The following FAM91A1 variants were observed in gnomAD, a reference collection of about 807,000 sequenced individuals.
The protein encoded by FAM91A1 is family with sequence similarity 91 member A1, also known as protein FAM91A1.
FAM91A1 carries 41 observed loss-of-function variants against 113.5 expected under a neutral mutation model. That is an observed-to-expected ratio of 0.36 (90% CI 0.28 to 0.47). FAM91A1 has a LOEUF of 0.47. Ranked by LOEUF, FAM91A1 falls within the 20% of genes least tolerant of loss-of-function variation. The probability of loss-of-function intolerance (pLI) is 1.00; values close to 1 mark genes in which losing one functional copy is unlikely to be tolerated. For missense variants in FAM91A1, 696 were observed against 1,001.2 expected, an observed-to-expected ratio of 0.70 and a Z score of 4.11; for synonymous variants, 307 against 347.9, an observed-to-expected ratio of 0.88 and a Z score of 1.31.
At chr8:123,796,606 G>A (rs1359378576) in intron 15 of FAM91A1, among the ~76,000 whole-genome samples, 2 of 151,434 alleles carry the variant, frequency 1.3e-5, no homozygotes, top group Non-Finnish European at 2.9e-5. Context: ...CTATGGGTAC[G>A]TGCTACCATG....
intron 20 of FAM91A1, 50 bp downstream of exon 20, chr8:123,806,279 G>T: frequency 6.4e-7 from 1 of 1,557,192 alleles, no homozygotes. Context: ...TTTTGAGTTT[G>T]ACACAGTGTT....
rs138037817 is a variant in FAM91A1 at position 123,773,728 on chromosome 8, A to G, written c.73-352A>G. ...TGTAGGGGCAGGAAACCATCTATCC[A>G]ACCACTTAATATAGCAGTCAGGAAG... On this transcript the variant is annotated intron_variant, in intron 1 of 23. Transcript: ENST00000334705. Among the ~76,000 whole-genome samples the G allele has an allele frequency of 6.6e-5, 10 of 152,322 alleles. 1 individual carries two copies. In the East Asian group the frequency reaches 1.9e-3, roughly 29 times the overall value.
intron 11 of FAM91A1, chr8:123,786,241 GA>G: frequency 9.7e-6 from 4 of 413,170 alleles, no homozygotes; most frequent in Non-Finnish European, 1.7e-5. Flanking sequence ...GCTTTTCCCA[GA>G]AAAAAAGCAA....
chr8:123,792,760 T>G (rs1422358528), intron 15 of FAM91A1, among the ~76,000 whole-genome samples: 1 of 152,166 alleles, frequency 6.6e-6, no homozygotes, highest in Non-Finnish European at 1.5e-5. Flanking sequence ...CCTTCACTCT[T>G]TTGTGTTTTG....
chr8:123,797,578 T>C (rs1189512287), intron 15 of FAM91A1, among the ~76,000 whole-genome samples: 6 of 152,354 alleles, frequency 3.9e-5, no homozygotes, highest in Admixed American at 3.3e-4. Flanking sequence ...TTCTTCCTTA[T>C]GATTTTTTTT....
intron 1 of FAM91A1, among the ~76,000 whole-genome samples, chr8:123,772,729 C>T (rs1814884872): frequency 6.6e-6 from 1 of 152,156 alleles, no homozygotes; most frequent in South Asian, 2.1e-4. Context: ...TGTTGACTTC[C>T]CCGGAAGTTA....
chr8:123,812,557 T>A lies in FAM91A1; in HGVS notation c.2370T>A (p.Ser790Arg). Residue 790 changes from serine to arginine, a missense_variant, in exon 24 of 24, where the codon AGT (serine) becomes AGA (arginine). Ser to Arg is a moderately radical substitution (Grantham distance 110). Coordinates refer to ENST00000334705, the MANE Select transcript of FAM91A1 (RefSeq NM_144963.4). ...TATTGGATATTCACACAGAGCCCAGTTTTTCAAGTTTGCTTTCACAGTCAT... is the reference window on the plus strand; with the variant it reads ...TATTGGATATTCACACAGAGCCCAGATTTTCAAGTTTGCTTTCACAGTCAT... ...ASILDIHTEPSFSSLLSQSSC... is the reference protein window; with the variant it reads ...ASILDIHTEPRFSSLLSQSSC... The A allele has an allele frequency of 1.3e-6, 2 of 1,594,886 alleles. No individual in the cohort carries two copies. The highest frequency in any genetic ancestry group is 1.7e-6 in the Non-Finnish European group (2 of 1,174,038).
At position 123,787,532 on chromosome 8, in the gene FAM91A1, T is replaced by C. The variant is rs1815288766; in HGVS notation, c.1192-132T>C. The C allele has an allele frequency of 4.1e-6, 4 of 975,510 alleles. No individual in the cohort carries two copies. The Admixed American group carries it at 1.1e-4, about 27-fold the overall frequency. 60.4% of individuals were successfully genotyped at this position (975,510 alleles called of 1,614,324 possible). On this transcript the variant is annotated intron_variant, in intron 13 of 23. Coordinates refer to ENST00000334705, the MANE Select transcript of FAM91A1 (RefSeq NM_144963.4). ...ACTTTCAGGGAAGGTCCTTTTGTAA[T>C]TGGAAGAATTAGCCCCTCACCCCCC... is the stretch of plus-strand genomic sequence containing the variant.
At chr8:123,775,994 ATGTAT>A (rs1814975533) in intron 3 of FAM91A1, among the ~76,000 whole-genome samples, 1 of 152,132 alleles carries the variant, frequency 6.6e-6, no homozygotes, top group African/African-American at 2.4e-5. Flanking sequence ...AAGAAAATTA[ATGTAT>A]TTAACTATTC....
Position 123,779,369 on chromosome 8 carries a change from A to T in FAM91A1, c.549+597A>T, listed in dbSNP as rs547608535. Among the ~76,000 whole-genome samples the T allele has an allele frequency of 6.0e-4, 92 of 152,298 alleles. 1 individual carries two copies. Among genetic ancestry groups the T allele is most frequent in the South Asian group, 4.6e-3 (22 of 4,830 alleles). Reference sequence around the variant, plus strand: ...GATAGTGTCAAGATCAAGAGAGTTGATATTCCCAGTGGTCAGACCACATCT... The same window carrying T: ...GATAGTGTCAAGATCAAGAGAGTTGTTATTCCCAGTGGTCAGACCACATCT... On this transcript the variant is annotated intron_variant, in intron 6 of 23. Coordinates refer to ENST00000334705, the MANE Select transcript of FAM91A1 (RefSeq NM_144963.4).
intron 9 of FAM91A1, 40 bp downstream of exon 9, chr8:123,784,616 T>G: frequency 6.9e-7 from 1 of 1,445,010 alleles, no homozygotes; most frequent in Non-Finnish European, 9.5e-7. Context: ...AATCTCAAGA[T>G]TGTAAGTTTG....
chr8:123,789,619 A>G lies in FAM91A1; in HGVS notation c.1285A>G (p.Ser429Gly). The change falls in exon 15 of 24, where the codon AGC becomes GGC. Residue 429 changes from serine (S) to glycine (G), a missense_variant. Physicochemically the swap from Ser to Gly is moderately conservative, Grantham distance 56 (BLOSUM62 0). Coordinates refer to ENST00000334705, the MANE Select transcript of FAM91A1 (RefSeq NM_144963.4). ...CTATTTTCTCTTGGTTTAGGTTCAG[A>G]GCACTGGTGAAGGAGAAGCACAGAG... is the stretch of plus-strand genomic sequence containing the variant. ...SFLIELEKVQSTGEGEAQRYF... is the reference protein window; with the variant it reads ...SFLIELEKVQGTGEGEAQRYF... 1 of 1,611,746 alleles carries G rather than the reference A, an allele frequency of 6.2e-7. No homozygotes were observed. Among genetic ancestry groups the G allele is most frequent in the Non-Finnish European group, 8.5e-7 (1 of 1,179,662 alleles).
At chr8:123,805,415 T>G (rs566905986) in intron 19 of FAM91A1, 76 bp downstream of exon 19, 1 of 1,159,530 alleles carries the variant, frequency 8.6e-7, no homozygotes, top group East Asian at 2.5e-5. Flanking sequence ...GTGGAAAACA[T>G]GGCAGGAAAT....
intron 19 of FAM91A1, among the ~76,000 whole-genome samples, chr8:123,805,714 C>A (rs1586395009): frequency 6.6e-6 from 1 of 152,160 alleles, no homozygotes; most frequent in East Asian, 1.9e-4. Flanking sequence ...ATAGTGACAA[C>A]AGGATCTTAA....
At chr8:123,792,857 C>T (rs1049250669) in intron 15 of FAM91A1, among the ~76,000 whole-genome samples, 2 of 152,284 alleles carry the variant, frequency 1.3e-5, no homozygotes, top group African/African-American at 4.8e-5. Flanking sequence ...TTCTGTTCAC[C>T]TATGACAAGG....
In FAM91A1 at chr8:123,787,457, A is replaced by G. The variant is rs528218506; in HGVS notation, c.1191+84A>G. On this transcript the variant is annotated intron_variant, in intron 13 of 23. Transcript: ENST00000334705. Reference sequence around the variant, plus strand: ...AATTTAATGCTTTTATATCTTTTTTAAAGTACTACATTTATTCCCGAAGCA... The same window carrying G: ...AATTTAATGCTTTTATATCTTTTTTGAAGTACTACATTTATTCCCGAAGCA... The G allele has an allele frequency of 1.2e-3, 1,394 of 1,142,048 alleles. 7 individuals carry two copies. Among genetic ancestry groups the G allele is most frequent in the Non-Finnish European group, 1.5e-3 (1,222 of 789,886 alleles). The allele number at this position is 1,142,048 out of a possible 1,614,324, so 70.7% of individuals were successfully genotyped here.
chr8:123,800,034 C>A, intron 18 of FAM91A1, 149 bp downstream of exon 18: 1 of 718,360 alleles, frequency 1.4e-6, no homozygotes, highest in Non-Finnish European at 2.2e-6. Context: ...TTAGTCCTGG[C>A]CGTTTGGCAG....
At chr8:123,810,749 A>G (rs1037367780) in intron 23 of FAM91A1, 2 of 201,224 alleles carry the variant, frequency 9.9e-6, no homozygotes, top group Non-Finnish European at 2.0e-5. Flanking sequence ...CCCCATCCCC[A>G]AGGAAAGAAA....
chr8:123,779,839 T>G, intron 6 of FAM91A1, 146 bp from the exon 7 acceptor site: 1 of 616,890 alleles, frequency 1.6e-6, no homozygotes, highest in South Asian at 2.9e-5. Context: ...TGTGCACAGT[T>G]TTTTGTTTGA....
Sources: gnomAD v4.1 joint callset for allele counts (sites outside exome capture counted in the v4.1 genomes callset) on GRCh38, gnomAD v4.1.1 for gene constraint, MANE v1.5 for transcripts, NCBI Gene and HGNC (gene_info 2026-07-23, HGNC 2026-07-21) for gene names.